Variants in EIF4G3 observed in about 807,000 individuals in gnomAD.
EIF4G3 encodes the protein eIF-4-gamma 3.
Under a neutral mutation model 186.4 loss-of-function variants are expected in EIF4G3, and 34 were observed. The ratio of observed to expected loss-of-function variants is 0.18; its 90% CI spans 0.14 to 0.24. The LOEUF (loss-of-function observed/expected upper bound fraction) is 0.24. EIF4G3 is among the 10% of genes least tolerant of loss of function. The pLI is 1.00. For missense variants in EIF4G3, 1,536 were observed against 1,948.5 expected (o/e 0.79, Z 3.99); for synonymous variants, 673 against 679.5 (o/e 0.99, Z 0.15).
In EIF4G3 at chr1:21,092,667, G is replaced by C. The variant is rs371371927; in HGVS notation, c.-271-3454C>G. Reference sequence around the variant, plus strand: ...TACAATCCTAAGCCAGAAGAACAAAGCTGGAGGCATCACACTACCTGACTT... The same window carrying C: ...TACAATCCTAAGCCAGAAGAACAAACCTGGAGGCATCACACTACCTGACTT... On this transcript the variant is annotated intron_variant, in intron 2 of 36. Coordinates refer to ENST00000602326, the MANE Select transcript of EIF4G3 (RefSeq NM_001391906.1). 2.4e-4 allele frequency among the ~76,000 whole-genome samples: 37 copies of C among 152,272 alleles called. No individual in the cohort carries two copies. In the East Asian group the frequency reaches 6.8e-3, roughly 28 times the overall value.
At position 21,125,767 on chromosome 1, in the gene EIF4G3, T is replaced by C. The variant is rs1240755131; in HGVS notation, c.-271-36554A>G. ...TAAATATATATAATTTTTTTATATA[T>C]ATATACACACACACACACACACACA... On this transcript the variant is annotated intron_variant, in intron 2 of 36. Transcript: ENST00000602326. Among the ~76,000 whole-genome samples the C allele has an allele frequency of 1.8e-3, 223 of 120,756 alleles. 1 individual carries two copies. The highest frequency in any genetic ancestry group is 6.7e-3 in the African/African-American group (208 of 31,202). The allele number at this position is 120,756 out of a possible 152,430, so 79.2% of individuals were successfully genotyped here. A position where few individuals can be genotyped will look rare whatever the true frequency, so the allele number is the denominator to read the frequency against.
At chr1:20,815,685 C>A (rs370656474) in intron 34 of EIF4G3, among the ~76,000 whole-genome samples, 1 of 137,508 alleles carries the variant, frequency 7.3e-6, no homozygotes, top group Non-Finnish European at 1.6e-5. Flanking sequence ...CCAGCCGCCC[C>A]GTCCGGGAGG....
At chr1:20,843,067 G>A (rs1043109157) in intron 29 of EIF4G3, among the ~76,000 whole-genome samples, 1 of 151,856 alleles carries the variant, frequency 6.6e-6, no homozygotes, top group African/African-American at 2.4e-5. Context: ...TCAAATTCCT[G>A]GGCTCAAGTG....
intron 2 of EIF4G3, among the ~76,000 whole-genome samples, chr1:21,116,749 G>GA (rs2096830482): frequency 1.3e-5 from 2 of 150,600 alleles, no homozygotes; most frequent in South Asian, 4.2e-4. Flanking sequence ...TGAGGCAGGA[G>GA]AAACGCTTGA....
chr1:20,919,365 C>A (rs2094270075), intron 14 of EIF4G3, among the ~76,000 whole-genome samples: 1 of 152,102 alleles, frequency 6.6e-6, no homozygotes, highest in African/African-American at 2.4e-5. Flanking sequence ...CATGCCACCA[C>A]ACCTGGCTAA....
intron 3 of EIF4G3, among the ~76,000 whole-genome samples, chr1:21,086,827 C>G (rs1229204396): frequency 6.6e-6 from 1 of 151,714 alleles, no homozygotes; most frequent in Non-Finnish European, 1.5e-5. Flanking sequence ...GTAATCCCAG[C>G]TACTCAGGAG....
At chr1:21,092,438 A>C (rs948866507) in intron 2 of EIF4G3, among the ~76,000 whole-genome samples, 14 of 152,124 alleles carry the variant, frequency 9.2e-5, no homozygotes, top group African/African-American at 3.4e-4. Context: ...ATTGGTCTAA[A>C]ATTCTCTTTT....
rs368960609 is a variant in EIF4G3 at position 21,140,086 on chromosome 1, C to T, written c.-272+36089G>A. Among the ~76,000 whole-genome samples, 28 of 152,290 alleles carry T rather than the reference C, an allele frequency of 1.8e-4. 1 individual carries two copies. In the South Asian group the frequency reaches 5.6e-3, roughly 30 times the overall value. ...TTCCCACATTCTTAAAAACCTTCTC[C>T]AGATTTGGTTGAGGCTGTCTTCTCT... On this transcript the variant is annotated intron_variant, in intron 2 of 36. Coordinates refer to ENST00000602326, the MANE Select transcript of EIF4G3 (RefSeq NM_001391906.1).
At chr1:21,073,573 T>C in intron 3 of EIF4G3, 1 of 454,526 alleles carries the variant, frequency 2.2e-6, no homozygotes, top group Non-Finnish European at 4.4e-6. Context: ...AAATGGCATC[T>C]TCTCACAGGA....
At chr1:20,938,401 C>T in intron 14 of EIF4G3, among the ~76,000 whole-genome samples, 1 of 152,214 alleles carries the variant, frequency 6.6e-6, no homozygotes, top group Non-Finnish European at 1.5e-5. Context: ...TATAACTTTA[C>T]TGCTTTAACC....
intron 20 of EIF4G3, among the ~76,000 whole-genome samples, chr1:20,870,281 A>G (rs1176137813): frequency 6.6e-6 from 1 of 151,942 alleles, no homozygotes; most frequent in Non-Finnish European, 1.5e-5. Context: ...CTTTGCTTTT[A>G]AACACTTAAA....
chr1:20,808,249 TATA>T (rs2058499533), intron 36 of EIF4G3, among the ~76,000 whole-genome samples: 2 of 152,078 alleles, frequency 1.3e-5, no homozygotes, highest in Non-Finnish European at 2.9e-5. Flanking sequence ...ATCTAAACCC[TATA>T]AAATTTAAAT....
In EIF4G3 at chr1:20,922,454, C is replaced by T. The variant is rs147733502; in HGVS notation, c.1664-17483G>A. On this transcript the variant is annotated intron_variant, in intron 14 of 36. Transcript: ENST00000602326. ...CTGGGATTACAGGCATGCACCACCA[C>T]GCCCGGTTGATTTTGTATTTTTAGT... 1.6e-4 allele frequency among the ~76,000 whole-genome samples: 25 copies of T among 152,242 alleles called. 1 individual carries two copies. The East Asian group carries it at 4.6e-3, about 28-fold the overall frequency.
chr1:20,884,674 T>C (rs1357510481), intron 19 of EIF4G3, among the ~76,000 whole-genome samples: 1 of 152,206 alleles, frequency 6.6e-6, no homozygotes, highest in Non-Finnish European at 1.5e-5. Context: ...AGGAACCCTG[T>C]GGCAAATGTT....
intron 3 of EIF4G3, 147 bp downstream of exon 3, chr1:21,088,991 G>T: frequency 1.7e-6 from 1 of 595,010 alleles, no homozygotes; most frequent in Non-Finnish European, 3.0e-6. Context: ...AGATGATATG[G>T]AAAGGGCCTA....
chr1:21,078,379 T>A (rs1217094221), intron 3 of EIF4G3, among the ~76,000 whole-genome samples: 2 of 151,852 alleles, frequency 1.3e-5, no homozygotes, highest in East Asian at 3.8e-4. Flanking sequence ...TCTTTACTCC[T>A]ATGTGGGAGT....
chr1:21,016,658 T>TA (rs200243524), intron 4 of EIF4G3, among the ~76,000 whole-genome samples: 39 of 144,776 alleles, frequency 2.7e-4, no homozygotes, highest in Middle Eastern at 4.1e-3. Context: ...GACCCTGTCT[T>TA]AAAAAAAAAC....
At chr1:21,009,094 C>T (rs1284481807) in intron 4 of EIF4G3, among the ~76,000 whole-genome samples, 3 of 152,124 alleles carry the variant, frequency 2.0e-5, no homozygotes. Flanking sequence ...TAGGCTATTC[C>T]TATTAATTTA....
intron 4 of EIF4G3, among the ~76,000 whole-genome samples, chr1:21,018,655 C>CT (rs561034402): frequency 1.3e-5 from 2 of 152,146 alleles, no homozygotes; most frequent in Non-Finnish European, 2.9e-5. Context: ...GAGCTGGAGT[C>CT]TAATGGGAAG....
Sources: gnomAD v4.1 joint callset for allele counts (sites outside exome capture counted in the v4.1 genomes callset) on GRCh38, gnomAD v4.1.1 for gene constraint, MANE v1.5 for transcripts, NCBI Gene and HGNC (gene_info 2026-07-23, HGNC 2026-07-21) for gene names.